The following KIF7 variants were observed in gnomAD, a reference collection of about 807,000 sequenced individuals.
KIF7 encodes the protein kinesin family member 7.
In KIF7, 104 loss-of-function variants were observed where a neutral mutation model predicts 135.7. That is an observed-to-expected ratio of 0.77 (90% CI 0.65 to 0.90). KIF7 has a LOEUF of 0.90. Ranked by LOEUF, KIF7 falls within the 40% of genes least tolerant of loss-of-function variation. KIF7 has a pLI of 0.00. For missense variants in KIF7, 2,005 were observed against 1,839.1 expected (o/e 1.09, Z -1.65); for synonymous variants, 883 against 809.4 (o/e 1.09, Z -1.54).
chr15:89,619,636 G>T (rs2141979755), intron 1 of KIF7: 1 of 1,537,478 alleles, frequency 6.5e-7, no homozygotes, highest in East Asian at 2.3e-5. Context: ...ATTTTGCCCG[G>T]TTTTGGACAA....
At chr15:89,633,104 C>G (rs1358127215) in intron 13 of KIF7, 37 bp downstream of exon 13, 2 of 1,601,242 alleles carry the variant, frequency 1.2e-6, no homozygotes, top group Non-Finnish European at 1.7e-6. Flanking sequence ...AGCCAGCCCC[C>G]AGGGGAGCCC....
downstream of KIF7, among the ~76,000 whole-genome samples, chr15:89,626,494 C>T (rs1162101782): frequency 6.6e-6 from 1 of 152,134 alleles, no homozygotes; most frequent in Non-Finnish European, 1.5e-5. Flanking sequence ...CTAGGATTCC[C>T]CTTCCCCTTC....
At chr15:89,637,197 TA>T in intron 11 of KIF7, among the ~76,000 whole-genome samples, 1 of 129,286 alleles carries the variant, frequency 7.7e-6, no homozygotes, top group Non-Finnish European at 1.6e-5. Context: ...GAGGGAAATT[TA>T]TAGCACTAAA....
rs769602777 is a variant in KIF7 at position 89,649,032 on chromosome 15, G to C, written c.865C>G (p.Leu289Val). ...CTGCCCCGGCGCTGAGGGTCCCCCA[G>C]GGCGCTGATGACGTTGCCCAGCGCC... is the stretch of plus-strand genomic sequence containing the variant. ...LLALGNVISA[L>V]GDPQRRGSHI... The change falls in exon 4 of 19, where the codon CTG becomes GTG. Residue 289 changes from leucine (L) to valine (V), a missense_variant. Transcript: ENST00000394412. 6.5e-7 allele frequency: 1 copy of C among 1,548,400 alleles called. No homozygotes were observed. The highest frequency in any genetic ancestry group is 1.2e-5 in the South Asian group (1 of 84,036).
downstream of KIF7, chr15:89,625,907 G>A (rs200006212): frequency 7.4e-5 from 115 of 1,546,520 alleles, no homozygotes; most frequent in African/African-American, 1.3e-3. Context: ...GTCTGGGGAC[G>A]CTGCTCTTAC....
chr15:89,656,652 C>T (rs889032914), upstream of KIF7, among the ~76,000 whole-genome samples: 3 of 152,162 alleles, frequency 2.0e-5, no homozygotes, highest in African/African-American at 7.2e-5. Context: ...CCAACTGATT[C>T]GTGTATCACA....
In KIF7 at chr15:89,633,700, G is replaced by T; in HGVS notation, c.2578C>A (p.Gln860Lys). The change falls in exon 12 of 19, where the codon CAG becomes AAG. Residue 860 changes from glutamine (Q) to lysine (K), a missense_variant. Coordinates refer to ENST00000394412, the MANE Select transcript of KIF7 (RefSeq NM_198525.3). ...RRLEAEMSKR[Q>K]HRVKELELKH... Reference sequence around the variant, plus strand: ...GTGAGCCTGACCTTGACGCGGTGCTGCCGCTTGCTCATTTCTGCCTCCAGG... The same window carrying T: ...GTGAGCCTGACCTTGACGCGGTGCTTCCGCTTGCTCATTTCTGCCTCCAGG... The T allele has an allele frequency of 6.2e-7, 1 of 1,607,554 alleles. No individual in the cohort carries two copies. Among genetic ancestry groups the T allele is most frequent in the South Asian group, 1.1e-5 (1 of 90,980 alleles).
At chr15:89,653,358 C>T (rs1320017055) in intron 1 of KIF7, among the ~76,000 whole-genome samples, 1 of 152,190 alleles carries the variant, frequency 6.6e-6, no homozygotes, top group Admixed American at 6.5e-5. Context: ...ACATCCCCTG[C>T]CCCACCTTCT....
chr15:89,649,056 C>T lies in KIF7; in HGVS notation c.841G>A (p.Ala281Thr), dbSNP rs1315005502. ...AGGGCGCTGATGACGTTGCCCAGCG[C>T]CAGGAGGCTGCTGTTGATCTGGATG... Reference protein sequence around the residue: ...ESIQINSSLLALGNVISALGD... With the variant: ...ESIQINSSLLTLGNVISALGD... Residue 281 changes from alanine (A) to threonine (T), a missense_variant, in exon 4 of 19, where the codon GCG (alanine) becomes ACG (threonine). Transcript: ENST00000394412. The T allele has an allele frequency of 2.6e-6, 4 of 1,548,296 alleles. No individual in the cohort carries two copies. In the East Asian group the frequency reaches 9.8e-5, roughly 38 times the overall value.
the KIF7 span, among the ~76,000 whole-genome samples, chr15:89,660,817 C>A: frequency 3.3e-5 from 5 of 152,112 alleles, no homozygotes; most frequent in Non-Finnish European, 7.3e-5. Context: ...ACATATGATA[C>A]AAGGAGAGGA....
chr15:89,620,872 G>A (rs917998380), intron 1 of KIF7, among the ~76,000 whole-genome samples: 12 of 151,722 alleles, frequency 7.9e-5, no homozygotes, highest in African/African-American at 1.2e-4. Context: ...ACAGGCGCCC[G>A]CCACCACGCC....
At position 89,652,649 on chromosome 15, in the gene KIF7, A is replaced by T. The variant is rs776958371; in HGVS notation, c.282T>A (p.Gly94=). ...EGFNATVFAY[G]QTGSGKTYTM... is the part of the protein sequence containing the mutation. ...TGTATGTCTTCCCTGAGCCCGTCTG[A>T]CCATAGGCAAAGACAGTGGCATTGA... Residue 94 remains glycine (G), a synonymous_variant, in exon 2 of 19, where the codon GGT becomes GGA. Transcript: ENST00000394412. The T allele has an allele frequency of 3.9e-6, 6 of 1,548,790 alleles. No homozygotes were observed. Among genetic ancestry groups the T allele is most frequent in the African/African-American group, 2.7e-5 (2 of 73,006 alleles).
chr15:89,646,075 A>G, intron 7 of KIF7, 49 bp from the exon 8 acceptor site: 2 of 1,610,122 alleles, frequency 1.2e-6, no homozygotes, highest in Non-Finnish European at 1.7e-6. Context: ...CCTGCGATAT[A>G]CCCCACCTTG....
At chr15:89,634,432 G>A (rs1963757529) in intron 11 of KIF7, among the ~76,000 whole-genome samples, 2 of 152,212 alleles carry the variant, frequency 1.3e-5, no homozygotes, top group East Asian at 3.9e-4. Context: ...CATCTCACTA[G>A]GGAGTGCCAG....
At chr15:89,619,954 A>T in intron 1 of KIF7, 1 of 1,320,592 alleles carries the variant, frequency 7.6e-7, no homozygotes, top group Non-Finnish European at 1.0e-6. Flanking sequence ...GGAGAAGTAG[A>T]ATAGGTATGT....
At chr15:89,623,755 A>T, downstream of KIF7, 1 of 1,613,924 alleles carries the variant, frequency 6.2e-7, no homozygotes, top group Non-Finnish European at 8.5e-7. Context: ...GACCCCTACA[A>T]AGCAGGCAGC....
Position 89,649,203 on chromosome 15 carries a change from G to C in KIF7, c.694C>G (p.Pro232Ala). Residue 232 changes from proline (P) to alanine (A), a missense_variant, in exon 4 of 19, where the codon CCC becomes GCC. Coordinates refer to ENST00000394412, the MANE Select transcript of KIF7 (RefSeq NM_198525.3). ...TVTLEQRGRA[P>A]SRLPRPAPGQ... is the part of the protein sequence containing the mutation. The stretch of plus-strand genomic sequence containing the variant: ...GGGGCGGGGCGGGGTAGGCGGCTGG[G>C]GGCGCGCCCCCGCTGCTCCAGGGTC... The C allele has an allele frequency of 6.5e-7, 1 of 1,546,302 alleles. No individual in the cohort carries two copies. Among genetic ancestry groups the C allele is most frequent in the Non-Finnish European group, 8.7e-7 (1 of 1,145,798 alleles).
chr15:89,624,382 C>G (rs767255970), downstream of KIF7: 3 of 1,614,112 alleles, frequency 1.9e-6, no homozygotes, highest in Non-Finnish European at 2.5e-6. Context: ...CTGCCCTGTT[C>G]CCTCAACTCC....
rs1392444900 is a variant in KIF7 at position 89,648,975 on chromosome 15, G to A, written c.922C>T (p.Arg308Trp). The A allele has an allele frequency of 5.9e-6, 9 of 1,535,082 alleles. No individual in the cohort carries two copies. Among genetic ancestry groups the A allele is most frequent in the African/African-American group, 1.4e-5 (1 of 72,866 alleles). ...CATAGGAGCCAGGGGGCAGCTCACC[G>A]GGTGATCTTGGAGTCGCGGTAGGGT... The part of the protein sequence containing the change: ...HIPYRDSKIT[R>W]ILKDSLGGNA... Residue 308 changes from arginine (R) to tryptophan (W), a missense_variant and splice_region_variant, in exon 4 of 19, where the codon CGG (arginine) becomes TGG (tryptophan). Physicochemically the swap from Arg to Trp is moderately radical, Grantham distance 101. Transcript: ENST00000394412.
Sources: gnomAD v4.1 joint callset for allele counts (sites outside exome capture counted in the v4.1 genomes callset) on GRCh38, gnomAD v4.1.1 for gene constraint, MANE v1.5 for transcripts, NCBI Gene and HGNC (gene_info 2026-07-23, HGNC 2026-07-21) for gene names.